The following PLEKHG4B variants were observed in gnomAD, a reference collection of about 807,000 sequenced individuals.
PLEKHG4B encodes the protein pleckstrin homology domain-containing family G member 4B.
In PLEKHG4B, 111 loss-of-function variants were observed where a neutral mutation model predicts 121.3. The observed-to-expected ratio is 0.92, with a 90% CI of 0.78 to 1.07. The LOEUF (loss-of-function observed/expected upper bound fraction) is 1.07. Ranked by LOEUF, PLEKHG4B falls within the 50% of genes least tolerant of loss-of-function variation. The pLI is 0.00. For missense variants in PLEKHG4B, 1,831 were observed against 1,757.8 expected (o/e 1.04, Z -0.74); for synonymous variants, 738 against 725.0 (o/e 1.02, Z -0.29).
intron 7 of PLEKHG4B, among the ~76,000 whole-genome samples, chr5:152,367 T>C (rs1725845244): frequency 6.7e-6 from 1 of 148,604 alleles, no homozygotes; most frequent in South Asian, 2.1e-4. Context: ...TGCACCCCCA[T>C]GCCAAGCTAC....
At chr5:130,103 C>T (rs1401942421) in intron 2 of PLEKHG4B, among the ~76,000 whole-genome samples, 1 of 151,148 alleles carries the variant, frequency 6.6e-6, no homozygotes, top group Non-Finnish European at 1.5e-5. Context: ...CATGCTTTCT[C>T]ATCAGAAAAA....
intron 13 of PLEKHG4B, among the ~76,000 whole-genome samples, chr5:164,722 ACACTAATACTCTGACGGGGCGGGGCT>A (rs1477383653): frequency 1.9e-4 from 24 of 129,684 alleles, no homozygotes; most frequent in African/African-American, 2.9e-4. Flanking sequence ...GGCGGAGCTC[ACACTAATACTCTGACGGGGCGGGGCT>A]CACAGTAATC....
chr5:95,553 A>G (rs763812752), intron 1 of PLEKHG4B, among the ~76,000 whole-genome samples: 1 of 152,266 alleles, frequency 6.6e-6, no homozygotes, highest in Non-Finnish European at 1.5e-5. Flanking sequence ...GTGCTCAGCA[A>G]TCTGTCCTTC....
chr5:115,227 A>G (rs1734271042), intron 2 of PLEKHG4B, among the ~76,000 whole-genome samples: 1 of 152,248 alleles, frequency 6.6e-6, no homozygotes, highest in Admixed American at 6.5e-5. Context: ...GACCACATGT[A>G]CTGTTGGTGA....
chr5:101,772 A>G (rs1733823587), intron 1 of PLEKHG4B, among the ~76,000 whole-genome samples: 1 of 139,826 alleles, frequency 7.2e-6, no homozygotes, highest in Non-Finnish European at 1.5e-5. Flanking sequence ...CCCTGGAAAA[A>G]GCCTGTAGGG....
At chr5:173,526 C>A (rs1343469507) in intron 17 of PLEKHG4B, among the ~76,000 whole-genome samples, 3 of 152,148 alleles carry the variant, frequency 2.0e-5, no homozygotes, top group African/African-American at 7.2e-5. Context: ...AGCAGCCTCA[C>A]AGACTCATGC....
At chr5:165,105 G>C (rs865907886) in intron 13 of PLEKHG4B, among the ~76,000 whole-genome samples, 146 of 39,166 alleles carry the variant, frequency 3.7e-3, no homozygotes, top group South Asian at 5.7e-3. Context: ...CACTAATGCT[G>C]TGACGGGGCG....
chr5:142,767 A>C (rs1430991967), intron 3 of PLEKHG4B, among the ~76,000 whole-genome samples: 1 of 152,202 alleles, frequency 6.6e-6, no homozygotes, highest in African/African-American at 2.4e-5. Context: ...ATGAGTAGGG[A>C]TGAGATGACC....
chr5:110,562 A>G (rs1734124175), intron 1 of PLEKHG4B, among the ~76,000 whole-genome samples: 1 of 146,408 alleles, frequency 6.8e-6, no homozygotes, highest in Non-Finnish European at 1.5e-5. Context: ...ACACCCACGC[A>G]ATCTGCAACA....
rs1345048209 is a variant in PLEKHG4B at position 156,159 on chromosome 5, G to A, written c.2297G>A (p.Gly766Asp). The change falls in exon 10 of 20, where the codon GGC becomes GAC. Residue 766 changes from glycine to aspartate, a missense_variant. Gly to Asp is a moderately conservative substitution (Grantham distance 94). Transcript: ENST00000637938. This position sits in a 1 kb window ranked among gnomAD's most constrained non-coding sequence, Gnocchi z 4.4. ...PLLVSLRLEG[G>D]TVLARLRREE... ...CTTGTGTCTCTCAGGCTGGAGGGGG[G>A]CACCGTCCTGGCGCGGCTGAGGAGA... 3.8e-6 allele frequency: 6 copies of A among 1,589,430 alleles called. No homozygotes were observed. Among genetic ancestry groups the A allele is most frequent in the East Asian group, 2.3e-5 (1 of 44,018 alleles).
chr5:119,381 G>A (rs533756178), intron 2 of PLEKHG4B, among the ~76,000 whole-genome samples: 18 of 152,224 alleles, frequency 1.2e-4, no homozygotes, highest in South Asian at 1.0e-3. Context: ...GAATGTCATC[G>A]CCAAGGTCTG....
chr5:152,327 C>T (rs1735633717), intron 7 of PLEKHG4B, among the ~76,000 whole-genome samples: 1 of 151,742 alleles, frequency 6.6e-6, no homozygotes, highest in South Asian at 2.1e-4. Context: ...TCTCCCACCT[C>T]AGCCTCCTGA....
chr5:111,131 G>A (rs1350926654), intron 1 of PLEKHG4B, among the ~76,000 whole-genome samples: 1 of 152,286 alleles, frequency 6.6e-6, no homozygotes, highest in African/African-American at 2.4e-5. Context: ...GAATCGGGAT[G>A]CTGCAGACAC....
At chr5:143,319 C>T (rs1735293604) in intron 4 of PLEKHG4B, 61 bp from the exon 5 acceptor site, 1 of 1,607,316 alleles carries the variant, frequency 6.2e-7, no homozygotes, top group Non-Finnish European at 8.5e-7. Flanking sequence ...ACAGCACAGA[C>T]CCAGCTCACC....
At position 171,305 on chromosome 5, in the gene PLEKHG4B, A is replaced by G. The variant is rs550358111; in HGVS notation, c.3911A>G (p.Gln1304Arg). ...GTGGCCAAGTACGCGCTGCTACTCCAGGACCTGCTCAAGGAGGCCAGCTGT... is the reference window on the plus strand; with the variant it reads ...GTGGCCAAGTACGCGCTGCTACTCCGGGACCTGCTCAAGGAGGCCAGCTGT... Reference protein sequence around the residue: ...QRVAKYALLLQDLLKEASCGL... With the variant: ...QRVAKYALLLRDLLKEASCGL... Residue 1304 changes from glutamine to arginine, a missense_variant, in exon 16 of 20, where the codon CAG becomes CGG. Gln to Arg is a conservative substitution (Grantham distance 43). Coordinates refer to ENST00000637938, the MANE Select transcript of PLEKHG4B (RefSeq NM_052909.5). 1 of 1,612,480 alleles carries G rather than the reference A, an allele frequency of 6.2e-7. No individual in the cohort carries two copies. The highest frequency in any genetic ancestry group is 1.1e-5 in the South Asian group (1 of 91,000).
chr5:102,090 AGTCTATAGGGGAGAGACTG>A lies in PLEKHG4B; in HGVS notation c.45+9815_45+9833del, dbSNP rs1349067270. On this transcript the variant is annotated intron_variant, in intron 1 of 19. Transcript: ENST00000637938. ...TAAATCCATATAAAGCCCTGGAAAA[AGTCTATAGGGGAGAGACTG>A]TTGTGAGGTTAATCCATATAAAGCC... Among the ~76,000 whole-genome samples the A allele has an allele frequency of 3.5e-4, 46 of 130,406 alleles. 1 individual carries two copies. The highest frequency in any genetic ancestry group is 1.1e-3 in the African/African-American group (34 of 31,038). The allele number at this position is 130,406 out of a possible 152,430, so 85.6% of individuals were successfully genotyped here. A position where few individuals can be genotyped will look rare whatever the true frequency, so the allele number is the denominator to read the frequency against.
At chr5:167,061 C>A (rs541098282) in intron 13 of PLEKHG4B, among the ~76,000 whole-genome samples, 2 of 152,190 alleles carry the variant, frequency 1.3e-5, no homozygotes, top group Non-Finnish European at 2.9e-5. Flanking sequence ...CTCCTGCCGA[C>A]CCCCGTGTGA....
intron 1 of PLEKHG4B, among the ~76,000 whole-genome samples, chr5:92,832 C>A (rs1733513159): frequency 6.6e-6 from 1 of 151,986 alleles, no homozygotes; most frequent in African/African-American, 2.4e-5. Flanking sequence ...TGGCCCGGAA[C>A]AAAGAGAATT....
intron 1 of PLEKHG4B, among the ~76,000 whole-genome samples, chr5:107,490 GT>G (rs1357481073): frequency 6.6e-6 from 1 of 152,230 alleles, no homozygotes; most frequent in African/African-American, 2.4e-5. Context: ...ACCTGGGAGA[GT>G]CTTGGGTGCT....
Sources: gnomAD v4.1 joint callset for allele counts (sites outside exome capture counted in the v4.1 genomes callset) on GRCh38, gnomAD v4.1.1 for gene constraint, Gnocchi (gnomAD v3.1) non-coding constraint, MANE v1.5 for transcripts, NCBI Gene and HGNC (gene_info 2026-07-23, HGNC 2026-07-21) for gene names.